The following TENM3 variants were observed in gnomAD, a reference collection of about 807,000 sequenced individuals.
TENM3 encodes the protein teneurin transmembrane protein 3, also known as teneurin-3.
A neutral mutation model predicts 255.1 loss-of-function variants in TENM3; 63 were observed. That is an observed-to-expected ratio of 0.25 (90% CI 0.20 to 0.30). The LOEUF is 0.30. TENM3 is among the 10% of genes least tolerant of loss of function. TENM3 has a pLI of 1.00. For missense variants in TENM3, 2,929 were observed against 3,461.1 expected, an observed-to-expected ratio of 0.85 and a Z score of 3.86; for synonymous variants, 1,306 against 1,322.3, an observed-to-expected ratio of 0.99 and a Z score of 0.27.
In TENM3 at chr4:182,304,115, G is replaced by A. The variant is rs1364464737; in HGVS notation, c.-75-19831G>A. On this transcript the variant is annotated intron_variant, in intron 1 of 27. Coordinates refer to ENST00000511685, the MANE Select transcript of TENM3 (RefSeq NM_001080477.4). ...AGACTATGAAGACTATAGGGGATTG[G>A]CAAGTAAAAAAAAAAAGAAGTCAAA... Among the ~76,000 whole-genome samples, 3 of 151,318 alleles carry A rather than the reference G, an allele frequency of 2.0e-5. No individual in the cohort carries two copies. In the East Asian group the frequency reaches 5.8e-4, roughly 29 times the overall value.
the TENM3 span, among the ~76,000 whole-genome samples, chr4:181,673,097 C>G: frequency 6.6e-6 from 1 of 152,162 alleles, no homozygotes; most frequent in South Asian, 2.1e-4. Flanking sequence ...ATAGCCCTAG[C>G]CAACACACAG....
At chr4:181,738,925 T>C in the TENM3 span, among the ~76,000 whole-genome samples, 1 of 152,084 alleles carries the variant, frequency 6.6e-6, no homozygotes, top group Non-Finnish European at 1.5e-5. Flanking sequence ...GAACAGCCTC[T>C]CTCAAGCAGC....
At chr4:181,512,095 A>G in the TENM3 span, among the ~76,000 whole-genome samples, 2 of 151,984 alleles carry the variant, frequency 1.3e-5, no homozygotes, top group Non-Finnish European at 2.9e-5. Context: ...ATTGCTCACT[A>G]CTGGCCCTCA....
At chr4:181,945,279 T>TA in the TENM3 span, among the ~76,000 whole-genome samples, 1 of 151,782 alleles carries the variant, frequency 6.6e-6, no homozygotes, top group Non-Finnish European at 1.5e-5. Flanking sequence ...GAAACAAGGG[T>TA]AAAACTGCCT....
chr4:181,761,762 T>C, the TENM3 span, among the ~76,000 whole-genome samples: 1 of 152,174 alleles, frequency 6.6e-6, no homozygotes, highest in African/African-American at 2.4e-5. Flanking sequence ...ATATGCTACA[T>C]ATTCAGACTT....
At chr4:182,262,233 T>G (rs1301447668) in intron 1 of TENM3, among the ~76,000 whole-genome samples, 1 of 152,136 alleles carries the variant, frequency 6.6e-6, no homozygotes, top group Non-Finnish European at 1.5e-5. Flanking sequence ...AATTAGCAAA[T>G]TTTATTAAAA....
chr4:182,426,341 T>G (rs1771221044), intron 3 of TENM3, among the ~76,000 whole-genome samples: 1 of 152,016 alleles, frequency 6.6e-6, no homozygotes, highest in South Asian at 2.1e-4. Flanking sequence ...TTTGAAAAAC[T>G]AATGAAGAAA....
chr4:182,053,853 G>A, the TENM3 span, among the ~76,000 whole-genome samples: 1 of 152,068 alleles, frequency 6.6e-6, no homozygotes, highest in African/African-American at 2.4e-5. Context: ...ACTCATTTCC[G>A]TTTAAATCCC....
the TENM3 span, among the ~76,000 whole-genome samples, chr4:181,767,076 T>C: frequency 0.34 from 36,041 of 105,370 alleles, 6,857 homozygotes; most frequent in East Asian, 0.5. Flanking sequence ...CAAGGGGAAA[T>C]CCCGTCTCTA....
At chr4:181,541,876 A>G in the TENM3 span, among the ~76,000 whole-genome samples, 1 of 152,194 alleles carries the variant, frequency 6.6e-6, no homozygotes, top group African/African-American at 2.4e-5. Context: ...TACATCTGCT[A>G]ATTATTCCCT....
intron 1 of TENM3, among the ~76,000 whole-genome samples, chr4:182,275,341 T>G (rs1247388146): frequency 6.6e-6 from 1 of 152,170 alleles, no homozygotes; most frequent in East Asian, 1.9e-4. Flanking sequence ...TGGGAGCTCT[T>G]CAAGGGCAAG....
intron 10 of TENM3, among the ~76,000 whole-genome samples, chr4:182,681,498 A>G (rs1157445014): frequency 6.6e-6 from 1 of 152,194 alleles, no homozygotes; most frequent in East Asian, 1.9e-4. Flanking sequence ...TTTGTTATAG[A>G]GAAGGCAATA....
chr4:182,184,276 TA>T (rs570356890), intron 1 of TENM3, among the ~76,000 whole-genome samples: 56 of 152,326 alleles, frequency 3.7e-4, no homozygotes, highest in African/African-American at 9.9e-4. Flanking sequence ...CAAATCCTTT[TA>T]TTGAGTACGC....
chr4:181,528,614 C>T, the TENM3 span, among the ~76,000 whole-genome samples: 3 of 152,222 alleles, frequency 2.0e-5, no homozygotes, highest in Admixed American at 6.5e-5. Flanking sequence ...AACAATCCTA[C>T]GAGGTAGGTT....
intron 3 of TENM3, among the ~76,000 whole-genome samples, chr4:182,407,195 C>G (rs1261439087): frequency 6.6e-6 from 1 of 152,146 alleles, no homozygotes; most frequent in African/African-American, 2.4e-5. Context: ...TAAAAACCCA[C>G]CTCTTCACAT....
chr4:181,513,279 A>G, the TENM3 span, among the ~76,000 whole-genome samples: 19 of 152,336 alleles, frequency 1.2e-4, no homozygotes, highest in Middle Eastern at 3.4e-3. Flanking sequence ...TCAAAGCAAT[A>G]TAAATATTCA....
chr4:182,312,430 C>A (rs944446537), intron 1 of TENM3, among the ~76,000 whole-genome samples: 3 of 152,154 alleles, frequency 2.0e-5, no homozygotes, highest in African/African-American at 4.8e-5. Context: ...TTGTGCCTGG[C>A]ATGTCCACTG....
the TENM3 span, among the ~76,000 whole-genome samples, chr4:181,544,937 A>G: frequency 6.6e-6 from 1 of 152,230 alleles, no homozygotes; most frequent in African/African-American, 2.4e-5. Context: ...TTTAAATGAT[A>G]TGCAGCTAGA....
intron 3 of TENM3, chr4:182,449,062 A>AAGGTGG: frequency 2.9e-6 from 1 of 347,088 alleles, no homozygotes; most frequent in South Asian, 2.0e-5. Flanking sequence ...TCACGGCCAC[A>AAGGTGG]GCGAGGGCGC....
Sources: allele counts gnomAD v4.1 joint callset (sites outside exome capture counted in the v4.1 genomes callset), GRCh38; gene constraint gnomAD v4.1.1; transcripts MANE v1.5; gene names NCBI Gene and HGNC (gene_info 2026-07-23, HGNC 2026-07-21).